MEG3: variants seen among roughly 807,000 people sequenced by gnomAD.
MEG3 encodes Very putative protein from MEG3 locus.
In MEG3 at chr14:100,859,061, A is replaced by G. The variant is rs980864276; in HGVS notation, n.1817A>G. The G allele has an allele frequency of 2.3e-4, 35 of 151,674 alleles. 1 individual carries two copies. The highest frequency in any genetic ancestry group is 7.1e-4 in the African/African-American group (29 of 41,134). The allele number at this position is 151,674 out of a possible 1,614,324, so 9.4% of individuals were successfully genotyped here. A position where few individuals can be genotyped will look rare whatever the true frequency, so the allele number is the denominator to read the frequency against. On this transcript the variant is annotated non_coding_transcript_exon_variant, in exon 1 of 2. Transcript: ENST00000398460. ...GAGATTTCCACGAAGCTGCCCTTGA[A>G]CCCCTCCTCTGAGGCCCACACTGCC...
downstream of MEG3, chr14:100,833,636 G>C (rs1195303730): frequency 6.6e-6 from 1 of 152,176 alleles, no homozygotes; most frequent in Non-Finnish European, 1.5e-5. Flanking sequence ...TCCTCTTTTT[G>C]TTCTGATCTT....
rs138219395 is a variant in MEG3 at position 100,836,270 on chromosome 14, G to A, written n.3015G>A. 1.9e-3 allele frequency: 867 copies of A among 456,578 alleles called. No homozygotes were observed. The highest frequency in any genetic ancestry group is 3.0e-3 in the Non-Finnish European group (673 of 226,930). 28.3% of individuals were successfully genotyped at this position (456,578 alleles called of 1,614,324 possible). A position where few individuals can be genotyped will look rare whatever the true frequency, so the allele number is the denominator to read the frequency against. ...CATCCCGGACCCAAGTCTTCTTCCT[G>A]GCGGGCCTCTCGTCTCCTTCCTGGT... On this transcript the variant is annotated non_coding_transcript_exon_variant, in exon 2 of 4. Coordinates refer to the MEG3 transcript ENST00000398461.
intron 3 of MEG3, chr14:100,850,772 GGCTATGATTAATTTCAA>G (rs2038050008): frequency 6.6e-6 from 1 of 152,244 alleles, no homozygotes; most frequent in Non-Finnish European, 1.5e-5. Flanking sequence ...TTAGGCCAAA[GGCTATGATTAATTTCAA>G]GCTATGTTAC....
At chr14:100,835,923 A>C in intron 1 of MEG3, 2 of 297,856 alleles carry the variant, frequency 6.7e-6, no homozygotes, top group Non-Finnish European at 6.4e-6. Context: ...CGTGGCCCTG[A>C]GAGTCCTGGG....
chr14:100,855,389 C>G (rs4906024), upstream of MEG3: 1 of 152,130 alleles, frequency 6.6e-6, no homozygotes, highest in Non-Finnish European at 1.5e-5. Context: ...GCCCTGAGCA[C>G]GTCCCAGCTG....
At chr14:100,828,245 T>C (rs1174785309) in intron 1 of MEG3, among the ~76,000 whole-genome samples, 3 of 152,000 alleles carry the variant, frequency 2.0e-5, no homozygotes, top group African/African-American at 7.3e-5. Context: ...CCCCTAGCGG[T>C]GTGTGCCAGC....
chr14:100,842,487 C>T (rs981701126), intron 2 of MEG3, among the ~76,000 whole-genome samples: 6 of 152,252 alleles, frequency 3.9e-5, no homozygotes, highest in East Asian at 1.9e-4. Flanking sequence ...TCCAGGGCCC[C>T]GGCCTCACAA....
intron 2 of MEG3, among the ~76,000 whole-genome samples, chr14:100,844,570 C>T (rs911025657): frequency 1.4e-4 from 21 of 152,262 alleles, no homozygotes; most frequent in African/African-American, 3.6e-4. Context: ...GTCATTCACA[C>T]GTTGCCTCCG....
intron 1 of MEG3, among the ~76,000 whole-genome samples, chr14:100,828,170 C>CG (rs1276976243): frequency 1.3e-5 from 2 of 151,982 alleles, no homozygotes; most frequent in Non-Finnish European, 2.9e-5. Flanking sequence ...CCAGGCCCGC[C>CG]GGGCGCGGGC....
chr14:100,833,181 G>GT (rs398026387), downstream of MEG3: 1 of 152,096 alleles, frequency 6.6e-6, no homozygotes. Flanking sequence ...TTGAAATTGG[G>GT]CACAGGGGGC....
At chr14:100,834,643 G>T in exon 1 of MEG3, 3 of 455,426 alleles carry the variant, frequency 6.6e-6, no homozygotes, top group Middle Eastern at 3.4e-4. Flanking sequence ...TCCTGACCTG[G>T]CCATCCCGGG....
chr14:100,843,779 C>T (rs2037829124), intron 2 of MEG3, among the ~76,000 whole-genome samples: 1 of 151,052 alleles, frequency 6.6e-6, no homozygotes, highest in Non-Finnish European at 1.5e-5. Flanking sequence ...TCTTGGGAGC[C>T]CCTGAAGACC....
intron 3 of MEG3, chr14:100,847,285 A>G (rs1268549442): frequency 6.6e-6 from 1 of 152,164 alleles, no homozygotes; most frequent in East Asian, 1.9e-4. Context: ...AAATGACAAA[A>G]GAAAGAAAAA....
intron 3 of MEG3, chr14:100,846,782 A>G (rs560269064): frequency 3.3e-5 from 5 of 152,242 alleles, no homozygotes; most frequent in Non-Finnish European, 7.3e-5. Context: ...GTAATAGGGC[A>G]ACACACAAAG....
At chr14:100,841,372 G>C (rs926754898) in intron 2 of MEG3, among the ~76,000 whole-genome samples, 2 of 152,244 alleles carry the variant, frequency 1.3e-5, no homozygotes, top group Admixed American at 6.5e-5. Flanking sequence ...TCCCGTCTAC[G>C]AAATGGGCGA....
At chr14:100,844,040 C>T (rs1478059124) in intron 2 of MEG3, among the ~76,000 whole-genome samples, 2 of 152,000 alleles carry the variant, frequency 1.3e-5, no homozygotes, top group Non-Finnish European at 2.9e-5. Flanking sequence ...TCATGTTGGT[C>T]AGGCTGGTCT....
Position 100,837,058 on chromosome 14 carries a change from G to A in MEG3, n.3045+758G>A, listed in dbSNP as rs1019964358. On this transcript the variant is annotated intron_variant and non_coding_transcript_variant, in intron 2 of 3. Transcript: ENST00000398461. The surrounding 1 kb of genome is among the most constrained non-coding windows in gnomAD (Gnocchi z 5.8). ...CTCGGGCCTGGGGTTGTTCTGGGGC[G>A]CCTAAGGCTGGGCTTTGCACTAAGG... 1.3e-5 allele frequency among the ~76,000 whole-genome samples: 2 copies of A among 152,202 alleles called. No homozygotes were observed. Among genetic ancestry groups the A allele is most frequent in the South Asian group, 2.1e-4 (1 of 4,828 alleles).
At chr14:100,848,237 C>T (rs981231753) in intron 3 of MEG3, 1 of 152,186 alleles carries the variant, frequency 6.6e-6, no homozygotes, top group African/African-American at 2.4e-5. Flanking sequence ...AAGCAGACCG[C>T]TTAATTGGCA....
intron 2 of MEG3, among the ~76,000 whole-genome samples, chr14:100,842,129 G>C (rs756629290): frequency 6.6e-6 from 1 of 152,172 alleles, no homozygotes; most frequent in Admixed American, 6.5e-5. Context: ...TTATTACCGT[G>C]GTGGGCTGCA....
Sources: allele counts gnomAD v4.1 joint callset (sites outside exome capture counted in the v4.1 genomes callset), GRCh38; gene constraint gnomAD v4.1.1; non-coding constraint Gnocchi (gnomAD v3.1); transcripts MANE v1.5; gene names NCBI Gene and HGNC (gene_info 2026-07-23, HGNC 2026-07-21).